SF3B3: variants seen among roughly 807,000 people sequenced by gnomAD.
The protein encoded by SF3B3 is SAP 130.
SF3B3 carries 33 observed loss-of-function variants against 139.2 expected under a neutral mutation model. The observed-to-expected ratio is 0.24, with a 90% CI of 0.18 to 0.32. The LOEUF (loss-of-function observed/expected upper bound fraction) is 0.32, where lower values mean the gene tolerates loss of function less well. Ranked by LOEUF, SF3B3 falls within the 10% of genes least tolerant of loss-of-function variation. The probability of loss-of-function intolerance (pLI) is 1.00; values close to 1 mark genes in which losing one functional copy is unlikely to be tolerated. For missense variants in SF3B3, 818 were observed against 1,509.4 expected (o/e 0.54, Z 7.59); for synonymous variants, 596 against 563.6 (o/e 1.06, Z -0.81).
intron 5 of SF3B3, among the ~76,000 whole-genome samples, chr16:70,533,150 A>C (rs1416979987): frequency 6.6e-6 from 1 of 152,192 alleles, no homozygotes; most frequent in East Asian, 1.9e-4. Context: ...ATTTTCAGGA[A>C]AGCTTTTATC....
rs2050381779 is a variant in SF3B3 at position 70,556,631 on chromosome 16, T to A, written c.1867-255T>A. On this transcript the variant is annotated intron_variant, in intron 14 of 25. Transcript: ENST00000302516. ...GACTTGCTGCAGGACCCTAGGTGAC[T>A]TTTCAGGAGGTGTGCTTTGCTTAAT... 5.0e-6 allele frequency: 3 copies of A among 598,352 alleles called. No individual in the cohort carries two copies. The South Asian group carries it at 6.1e-5, about 12-fold the overall frequency. 37.1% of individuals were successfully genotyped at this position (598,352 alleles called of 1,614,324 possible).
chr16:70,536,359 G>T (rs1445281040), intron 6 of SF3B3, among the ~76,000 whole-genome samples: 1 of 151,472 alleles, frequency 6.6e-6, no homozygotes, highest in African/African-American at 2.4e-5. Flanking sequence ...TTTATTTTTT[G>T]TATTTTATTT....
At chr16:70,528,071 T>G (rs2050081679) in intron 2 of SF3B3, among the ~76,000 whole-genome samples, 1 of 151,764 alleles carries the variant, frequency 6.6e-6, no homozygotes, top group Admixed American at 6.6e-5. Context: ...TACTGTGCCC[T>G]GCTGAAAGCA....
At chr16:70,560,655 A>G in intron 16 of SF3B3, 64 bp downstream of exon 16, 4 of 1,570,168 alleles carry the variant, frequency 2.5e-6, no homozygotes, top group East Asian at 2.3e-5. Flanking sequence ...TCTGAGAACA[A>G]TCTTTGCTGT....
At chr16:70,542,628 A>T (rs1479133037) in intron 9 of SF3B3, among the ~76,000 whole-genome samples, 1 of 152,218 alleles carries the variant, frequency 6.6e-6, no homozygotes, top group South Asian at 2.1e-4. Flanking sequence ...AATTAAACCC[A>T]TCTGAAATTA....
chr16:70,535,513 T>A, intron 6 of SF3B3, 93 bp downstream of exon 6: 1 of 638,840 alleles, frequency 1.6e-6, no homozygotes, highest in Non-Finnish European at 2.6e-6. Flanking sequence ...AGTTTTTTTG[T>A]AAATTAAAAA....
intron 6 of SF3B3, among the ~76,000 whole-genome samples, chr16:70,536,974 CTAATTTT>C (rs2050174943): frequency 6.6e-6 from 1 of 151,864 alleles, no homozygotes; most frequent in African/African-American, 2.4e-5. Flanking sequence ...CCATGCCCAG[CTAATTTT>C]TATATTTTTA....
At chr16:70,551,377 C>G (rs1198581862) in intron 11 of SF3B3, among the ~76,000 whole-genome samples, 1 of 152,136 alleles carries the variant, frequency 6.6e-6, no homozygotes, top group African/African-American at 2.4e-5. Flanking sequence ...TTTACCTTGA[C>G]TAAAGCTTGG....
intron 6 of SF3B3, among the ~76,000 whole-genome samples, chr16:70,537,467 TCATTTACTGC>T (rs1186540266): frequency 1.3e-5 from 2 of 152,230 alleles, no homozygotes; most frequent in Non-Finnish European, 2.9e-5. Flanking sequence ...ATTCTTTGAA[TCATTTACTGC>T]CATCTCTCCC....
In SF3B3 at chr16:70,525,430, T is replaced by G. The variant is rs569183482; in HGVS notation, c.-70-1157T>G. Among the ~76,000 whole-genome samples, 54 of 152,250 alleles carry G rather than the reference T, an allele frequency of 3.5e-4. No individual in the cohort carries two copies. In the South Asian group the frequency reaches 0.011, roughly 31 times the overall value. On this transcript the variant is annotated intron_variant, in intron 1 of 25. Transcript: ENST00000302516. The stretch of plus-strand genomic sequence containing the variant: ...CTGGAGAACCTGAATCCAACTAGAT[T>G]TGGGAAAAAATGAATTCCAAAGGTT...
At chr16:70,526,350 G>T (rs141714331) in intron 1 of SF3B3, among the ~76,000 whole-genome samples, 1 of 152,174 alleles carries the variant, frequency 6.6e-6, no homozygotes, top group Non-Finnish European at 1.5e-5. Flanking sequence ...TGGGACTACA[G>T]GCGCACAGCA....
Position 70,523,843 on chromosome 16 carries a change from C to A in SF3B3, c.-156C>A, listed in dbSNP as rs1179206960. 1.9e-6 allele frequency: 1 copy of A among 531,882 alleles called. No individual in the cohort carries two copies. 32.9% of individuals were successfully genotyped at this position (531,882 alleles called of 1,614,324 possible). ...CCCTGTCTTGAGGTCTAATGGCGGA[C>A]GCCAGTATGTTGGAGTTGGTGGTGG... is the stretch of plus-strand genomic sequence containing the variant. On this transcript the variant is annotated 5_prime_UTR_variant, in exon 1 of 26. Coordinates refer to ENST00000302516, the MANE Select transcript of SF3B3 (RefSeq NM_012426.5).
Position 70,573,990 on chromosome 16 carries a change from A to C in SF3B3, c.*2177A>C, listed in dbSNP as rs904789979. The C allele has an allele frequency of 6.6e-6, 1 of 152,062 alleles. No homozygotes were observed. The highest frequency in any genetic ancestry group is 2.1e-4 in the South Asian group (1 of 4,820). 9.4% of individuals were successfully genotyped at this position (152,062 alleles called of 1,614,324 possible). A position where few individuals can be genotyped will look rare whatever the true frequency, so the allele number is the denominator to read the frequency against. On this transcript the variant is annotated 3_prime_UTR_variant, in exon 26 of 26. Transcript: ENST00000302516. ...AATGTTGCTTTTCTTGGTTAGTGTA[A>C]ATGTATTGCTAGTGAGACAGCTGCC...
chr16:70,524,261 A>G (rs1362002016), intron 1 of SF3B3, among the ~76,000 whole-genome samples: 1 of 152,124 alleles, frequency 6.6e-6, no homozygotes, highest in Non-Finnish European at 1.5e-5. Flanking sequence ...ACCGAGGGGA[A>G]GATAGAAAGA....
rs1485189220 is a variant in SF3B3, at chr16:70,573,881, A to G, written c.*2068A>G. 1 of 152,184 alleles carries G rather than the reference A, an allele frequency of 6.6e-6. No individual in the cohort carries two copies. Among genetic ancestry groups the G allele is most frequent in the Non-Finnish European group, 1.5e-5 (1 of 68,034 alleles). 9.4% of individuals were successfully genotyped at this position (152,184 alleles called of 1,614,324 possible). A position where few individuals can be genotyped will look rare whatever the true frequency, so the allele number is the denominator to read the frequency against. Reference sequence around the variant, plus strand: ...GCTGCCTCAGCTTTCCCCTGACCTTACTGGCAGAGGTTCTGCAGATGTTTC... The same window carrying G: ...GCTGCCTCAGCTTTCCCCTGACCTTGCTGGCAGAGGTTCTGCAGATGTTTC... On this transcript the variant is annotated 3_prime_UTR_variant, in exon 26 of 26. Coordinates refer to ENST00000302516, the MANE Select transcript of SF3B3 (RefSeq NM_012426.5).
At chr16:70,531,338 C>T (rs2050119659) in intron 4 of SF3B3, among the ~76,000 whole-genome samples, 1 of 152,108 alleles carries the variant, frequency 6.6e-6, no homozygotes, top group Non-Finnish European at 1.5e-5. Context: ...CAGTCTTGCT[C>T]TGTTGCCCAG....
Position 70,571,370 on chromosome 16 carries a change from T to A in SF3B3, c.3513+171T>A, listed in dbSNP as rs192457595. 2.6e-5 allele frequency among the ~76,000 whole-genome samples: 4 copies of A among 152,266 alleles called. No homozygotes were observed. In the East Asian group the frequency reaches 7.7e-4, roughly 29 times the overall value. On this transcript the variant is annotated intron_variant, in intron 25 of 25. Coordinates refer to ENST00000302516, the MANE Select transcript of SF3B3 (RefSeq NM_012426.5). Reference sequence around the variant, plus strand: ...GAACTCTGAGTACCAAGAGTCAACTTAAGATAGTGTTCCTGGATCTACAAG... The same window carrying A: ...GAACTCTGAGTACCAAGAGTCAACTAAAGATAGTGTTCCTGGATCTACAAG...
intron 16 of SF3B3, among the ~76,000 whole-genome samples, chr16:70,561,027 GT>G (rs869157742): frequency 7.4e-5 from 11 of 148,816 alleles, no homozygotes; most frequent in Admixed American, 1.3e-4. Context: ...GTTTTTTGTT[GT>G]TTTTTTTTTT....
chr16:70,564,822 AT>A (rs1243283767), intron 18 of SF3B3, among the ~76,000 whole-genome samples: 1 of 152,120 alleles, frequency 6.6e-6, no homozygotes, highest in African/African-American at 2.4e-5. Flanking sequence ...AGCTATTGTT[AT>A]TTTTGGTGTT....
Sources: allele counts gnomAD v4.1 joint callset (sites outside exome capture counted in the v4.1 genomes callset), GRCh38; gene constraint gnomAD v4.1.1; transcripts MANE v1.5; gene names NCBI Gene and HGNC (gene_info 2026-07-23, HGNC 2026-07-21).